The following UNC5D variants were observed in gnomAD, a reference collection of about 807,000 sequenced individuals.
The protein encoded by UNC5D is unc-5 netrin receptor D.
UNC5D carries 39 observed loss-of-function variants against 105.4 expected under a neutral mutation model. That is an observed-to-expected ratio of 0.37 (90% CI 0.29 to 0.48). UNC5D has a LOEUF of 0.48. Among genes scored for constraint, UNC5D ranks in the 20% least tolerant of loss-of-function variants. UNC5D has a pLI of 0.98. For missense variants in UNC5D, 991 were observed against 1,202.4 expected (o/e 0.82, Z 2.60); for synonymous variants, 452 against 450.4 (o/e 1.00, Z -0.04).
intron 1 of UNC5D, among the ~76,000 whole-genome samples, chr8:35,480,779 G>C (rs1020566630): frequency 6.6e-6 from 1 of 152,170 alleles, no homozygotes; most frequent in Non-Finnish European, 1.5e-5. Flanking sequence ...AAGGAGATCA[G>C]GAATGGTTAC....
chr8:35,521,314 C>G (rs1563495902), intron 1 of UNC5D, among the ~76,000 whole-genome samples: 2 of 152,096 alleles, frequency 1.3e-5, no homozygotes, highest in African/African-American at 4.8e-5. Context: ...ATCTGATACT[C>G]TATGTAAATG....
At chr8:35,411,871 C>T (rs1444575951) in intron 1 of UNC5D, among the ~76,000 whole-genome samples, 1 of 151,924 alleles carries the variant, frequency 6.6e-6, no homozygotes, top group Non-Finnish European at 1.5e-5. Flanking sequence ...AATATGTGTT[C>T]CTTGAATGAG....
In UNC5D at chr8:35,326,621, G is replaced by T. The variant is rs78941459; in HGVS notation, c.103+90734G>T. On this transcript the variant is annotated intron_variant, in intron 1 of 16. Coordinates refer to ENST00000404895, the MANE Select transcript of UNC5D (RefSeq NM_080872.4). ...ATAAAAATAAAAGCCAAGCTTGGAG[G>T]CACAAGCCTGTAGTGCCATCTACTT... Among the ~76,000 whole-genome samples, 454 of 152,232 alleles carry T rather than the reference G, an allele frequency of 3.0e-3. 2 individuals carry two copies. Among genetic ancestry groups the T allele is most frequent in the Non-Finnish European group, 4.7e-3 (321 of 68,010 alleles).
At chr8:35,765,900 G>GA (rs1801743323) in intron 14 of UNC5D, among the ~76,000 whole-genome samples, 1 of 152,072 alleles carries the variant, frequency 6.6e-6, no homozygotes, top group African/African-American at 2.4e-5. Flanking sequence ...GAGAAATAGA[G>GA]AAAAAAGTGA....
At chr8:35,691,398 G>T (rs1429761863) in intron 7 of UNC5D, among the ~76,000 whole-genome samples, 1 of 152,096 alleles carries the variant, frequency 6.6e-6, no homozygotes, top group Non-Finnish European at 1.5e-5. Flanking sequence ...GAGGCAGAAG[G>T]ATCACTTGAG....
chr8:35,238,186 G>GT (rs1449105612), intron 1 of UNC5D, among the ~76,000 whole-genome samples: 2 of 152,062 alleles, frequency 1.3e-5, no homozygotes, highest in Non-Finnish European at 2.9e-5. Flanking sequence ...ATTCAGTAGC[G>GT]TTTTCTTTAC....
chr8:35,404,324 A>G (rs1216806249), intron 1 of UNC5D, among the ~76,000 whole-genome samples: 5 of 152,252 alleles, frequency 3.3e-5, no homozygotes, highest in Admixed American at 1.3e-4. Flanking sequence ...GTGAGATACA[A>G]TGTACCATCC....
chr8:35,448,142 A>T lies in UNC5D; in HGVS notation c.104-101150A>T, dbSNP rs148832557. On this transcript the variant is annotated intron_variant, in intron 1 of 16. Transcript: ENST00000404895. ...GAACTGGCTGAACTGGAGTTAAAAA[A>T]ATATATATTCTATTCATACTTCTGT... Among the ~76,000 whole-genome samples the T allele has an allele frequency of 1.6e-3, 243 of 152,194 alleles. 6 individuals are homozygous for T. The East Asian group carries it at 0.042, about 26-fold the overall frequency.
intron 1 of UNC5D, among the ~76,000 whole-genome samples, chr8:35,386,554 A>G (rs1803411146): frequency 6.6e-6 from 1 of 152,240 alleles, no homozygotes; most frequent in South Asian, 2.1e-4. Flanking sequence ...TTGTAATTTT[A>G]GAAGAGCTGT....
At chr8:35,269,435 T>C (rs1176766225) in intron 1 of UNC5D, among the ~76,000 whole-genome samples, 2 of 152,226 alleles carry the variant, frequency 1.3e-5, no homozygotes, top group Non-Finnish European at 2.9e-5. Flanking sequence ...CGCTTCTTCA[T>C]GCTGCCCTCC....
At chr8:35,300,185 C>T (rs530499817) in intron 1 of UNC5D, among the ~76,000 whole-genome samples, 130 of 151,982 alleles carry the variant, frequency 8.6e-4, no homozygotes, top group Non-Finnish European at 1.6e-3. Flanking sequence ...TGGTGGCTCA[C>T]GCCTGTAATC....
chr8:35,330,880 A>AT (rs1377716120), intron 1 of UNC5D, among the ~76,000 whole-genome samples: 1 of 152,160 alleles, frequency 6.6e-6, no homozygotes, highest in Non-Finnish European at 1.5e-5. Context: ...TTTAAAAATG[A>AT]TTGTATAAGT....
chr8:35,475,223 G>A (rs897939696), intron 1 of UNC5D, among the ~76,000 whole-genome samples: 1 of 152,186 alleles, frequency 6.6e-6, no homozygotes, highest in Non-Finnish European at 1.5e-5. Flanking sequence ...CAGTCAAATT[G>A]AGGGGACCCC....
At chr8:35,652,416 T>G (rs1414937928) in intron 4 of UNC5D, among the ~76,000 whole-genome samples, 2 of 152,184 alleles carry the variant, frequency 1.3e-5, no homozygotes, top group Non-Finnish European at 2.9e-5. Context: ...AGGATGTACC[T>G]ACTCTCATTT....
intron 4 of UNC5D, among the ~76,000 whole-genome samples, chr8:35,657,082 A>G (rs1370013): frequency 0.075 from 2,053 of 27,456 alleles, 3 homozygotes; most frequent in African/African-American, 0.097. Context: ...GTGTGTGTGT[A>G]TATATATATA....
chr8:35,429,806 G>A (rs537438651), intron 1 of UNC5D, among the ~76,000 whole-genome samples: 2 of 152,014 alleles, frequency 1.3e-5, no homozygotes, highest in Non-Finnish European at 1.5e-5. Flanking sequence ...AGCCCATGAC[G>A]ACCAATGATC....
At chr8:35,759,276 G>T (rs2131678499) in intron 13 of UNC5D, 44 bp from the exon 14 acceptor site, 1 of 1,600,390 alleles carries the variant, frequency 6.2e-7, no homozygotes, top group East Asian at 2.2e-5. Context: ...GTAAGTAGCA[G>T]GATATTTCAT....
At chr8:35,760,864 A>G (rs1219295770) in intron 14 of UNC5D, among the ~76,000 whole-genome samples, 1 of 151,910 alleles carries the variant, frequency 6.6e-6, no homozygotes, top group East Asian at 1.9e-4. Flanking sequence ...TTGCATCATG[A>G]TGGTTAAAAA....
At chr8:35,380,213 G>A (rs1422041273) in intron 1 of UNC5D, among the ~76,000 whole-genome samples, 7 of 150,652 alleles carry the variant, frequency 4.6e-5, no homozygotes, top group African/African-American at 1.5e-4. Context: ...GAGAGAGAGA[G>A]AGAGAGAGGG....
Sources: allele counts gnomAD v4.1 joint callset (sites outside exome capture counted in the v4.1 genomes callset), GRCh38; gene constraint gnomAD v4.1.1; transcripts MANE v1.5; gene names NCBI Gene and HGNC (gene_info 2026-07-23, HGNC 2026-07-21).